DAB1: variants seen among roughly 807,000 people sequenced by gnomAD.
DAB1 encodes the protein disabled homolog 1.
In DAB1, 15 loss-of-function variants were observed where a neutral mutation model predicts 64.6. That is an observed-to-expected ratio of 0.23 (90% CI 0.16 to 0.36). The LOEUF (loss-of-function observed/expected upper bound fraction) is 0.36, where lower values mean the gene tolerates loss of function less well. Among genes scored for constraint, DAB1 ranks in the 10% least tolerant of loss-of-function variants. DAB1 has a pLI of 1.00. For missense variants in DAB1, 596 were observed against 706.7 expected, an observed-to-expected ratio of 0.84 and a Z score of 1.78; for synonymous variants, 235 against 251.9, an observed-to-expected ratio of 0.93 and a Z score of 0.64.
intron 7 of DAB1, among the ~76,000 whole-genome samples, chr1:57,483,500 T>C (rs1025239692): frequency 2.0e-5 from 3 of 152,180 alleles, no homozygotes; most frequent in Non-Finnish European, 2.9e-5. Context: ...CAACTGTGAG[T>C]CCATTAAACC....
chr1:57,855,926 A>G (rs1308383830), intron 1 of DAB1, among the ~76,000 whole-genome samples: 1 of 152,232 alleles, frequency 6.6e-6, no homozygotes, highest in Non-Finnish European at 1.5e-5. Context: ...CCAGGAGGCA[A>G]GACGCTAGCT....
chr1:57,548,685 T>C (rs1442801648), intron 7 of DAB1, among the ~76,000 whole-genome samples: 1 of 152,190 alleles, frequency 6.6e-6, no homozygotes, highest in African/African-American at 2.4e-5. Flanking sequence ...CAGATTTGAA[T>C]GTTTTTACAT....
At chr1:58,074,590 A>ATACACATATATATATGTGTG (rs1649524701) in intron 5 of DAB1, among the ~76,000 whole-genome samples, 3 of 134,006 alleles carry the variant, frequency 2.2e-5, no homozygotes, top group Non-Finnish European at 4.8e-5. Flanking sequence ...ATATATATAT[A>ATACACATATATATATGTGTG]TATATTTGAG....
intron 14 of DAB1, among the ~76,000 whole-genome samples, chr1:57,001,947 C>T (rs569787883): frequency 6.6e-6 from 1 of 152,292 alleles, no homozygotes; most frequent in East Asian, 1.9e-4. Context: ...CACTGAGCTC[C>T]ACTGGGCCTT....
Position 57,237,583 on chromosome 1 carries a change from C to T in DAB1, c.67+53381G>A, listed in dbSNP as rs566815723. The stretch of plus-strand genomic sequence containing the variant: ...CCTGGACTACAAGAAATACTCTAAG[C>T]GAAAATACAATAACCTAACTAACTA... On this transcript the variant is annotated intron_variant, in intron 2 of 14. Transcript: ENST00000371236. 7.9e-5 allele frequency among the ~76,000 whole-genome samples: 12 copies of T among 152,240 alleles called. 1 individual carries two copies. Among genetic ancestry groups the T allele is most frequent in the South Asian group, 6.2e-4 (3 of 4,812 alleles).
intron 2 of DAB1, among the ~76,000 whole-genome samples, chr1:57,204,902 C>G (rs1665416998): frequency 6.6e-6 from 1 of 152,174 alleles, no homozygotes; most frequent in Non-Finnish European, 1.5e-5. Flanking sequence ...ACCTCCACCT[C>G]CATTGAAATA....
intron 5 of DAB1, among the ~76,000 whole-genome samples, chr1:58,035,860 C>T (rs1401952601): frequency 2.0e-5 from 3 of 152,186 alleles, no homozygotes; most frequent in African/African-American, 4.8e-5. Flanking sequence ...TTGGGAAAAA[C>T]CCGAGATAGG....
chr1:58,410,830 A>G (rs1482854802), intron 3 of DAB1, among the ~76,000 whole-genome samples: 2 of 152,144 alleles, frequency 1.3e-5, no homozygotes, highest in Non-Finnish European at 2.9e-5. Context: ...TCCCAATCCC[A>G]TAACCACCAA....
At chr1:57,125,031 A>G (rs768102451) in intron 4 of DAB1, among the ~76,000 whole-genome samples, 1 of 151,904 alleles carries the variant, frequency 6.6e-6, no homozygotes, top group Non-Finnish European at 1.5e-5. Flanking sequence ...GTGAGGACAG[A>G]ATGAGTCAGT....
At chr1:58,199,010 C>T (rs1187042248) in intron 4 of DAB1, among the ~76,000 whole-genome samples, 20 of 151,976 alleles carry the variant, frequency 1.3e-4, no homozygotes, top group Admixed American at 4.6e-4. Flanking sequence ...GGGAGGCTGA[C>T]GCAGAAGAAT....
intron 2 of DAB1, among the ~76,000 whole-genome samples, chr1:57,202,722 G>A (rs145112534): frequency 6.6e-6 from 1 of 152,262 alleles, no homozygotes; most frequent in African/African-American, 2.4e-5. Flanking sequence ...CTGAAACCCT[G>A]TAATCAAGTT....
intron 3 of DAB1, among the ~76,000 whole-genome samples, chr1:58,427,097 G>C (rs1476758935): frequency 6.6e-6 from 1 of 152,156 alleles, no homozygotes; most frequent in Non-Finnish European, 1.5e-5. Flanking sequence ...GAGTGTGGTG[G>C]AGTAGGGTGG....
intron 2 of DAB1, among the ~76,000 whole-genome samples, chr1:57,275,604 A>G (rs552951803): frequency 1.3e-5 from 2 of 152,362 alleles, no homozygotes; most frequent in East Asian, 1.9e-4. Context: ...GATGAACCAA[A>G]AAATCAAGAC....
At chr1:57,920,057 C>T (rs1644786083) in intron 5 of DAB1, among the ~76,000 whole-genome samples, 1 of 152,078 alleles carries the variant, frequency 6.6e-6, no homozygotes, top group Admixed American at 6.6e-5. Flanking sequence ...TTATGACATT[C>T]CAATGTAGTT....
At chr1:58,284,457 C>T (rs1661637269) in intron 4 of DAB1, among the ~76,000 whole-genome samples, 1 of 152,236 alleles carries the variant, frequency 6.6e-6, no homozygotes, top group South Asian at 2.1e-4. Flanking sequence ...CCTGGCTTCT[C>T]CAGTCACACA....
chr1:58,369,687 A>G (rs1644247242), intron 3 of DAB1, among the ~76,000 whole-genome samples: 1 of 152,242 alleles, frequency 6.6e-6, no homozygotes, highest in Non-Finnish European at 1.5e-5. Context: ...TATTTTACAG[A>G]CTAAGAAATT....
At chr1:58,167,307 C>A (rs1655896066) in intron 4 of DAB1, among the ~76,000 whole-genome samples, 1 of 152,072 alleles carries the variant, frequency 6.6e-6, no homozygotes, top group Non-Finnish European at 1.5e-5. Flanking sequence ...TGTAAATGCA[C>A]CAATCAGCAC....
intron 5 of DAB1, among the ~76,000 whole-genome samples, chr1:58,135,082 A>AT (rs796822151): frequency 6.6e-6 from 1 of 152,252 alleles, no homozygotes; most frequent in African/African-American, 2.4e-5. Flanking sequence ...TCTAAGTCTC[A>AT]TTTTTTGTTG....
intron 4 of DAB1, among the ~76,000 whole-genome samples, chr1:58,208,858 T>C (rs1557696369): frequency 6.6e-6 from 1 of 152,168 alleles, no homozygotes; most frequent in East Asian, 1.9e-4. Flanking sequence ...TAAAGGAATC[T>C]TCATAGAGTT....
Sources: allele counts gnomAD v4.1 joint callset (sites outside exome capture counted in the v4.1 genomes callset), GRCh38; gene constraint gnomAD v4.1.1; transcripts MANE v1.5; gene names NCBI Gene and HGNC (gene_info 2026-07-23, HGNC 2026-07-21).